SFSWAP: variants seen among roughly 807,000 people sequenced by gnomAD.
SFSWAP encodes the protein splicing factor, suppressor of white-apricot homolog.
A neutral mutation model predicts 100.7 loss-of-function variants in SFSWAP; 17 were observed. The ratio of observed to expected loss-of-function variants is 0.17; its 90% confidence interval spans 0.12 to 0.25. The LOEUF is 0.25. Ranked by LOEUF, SFSWAP falls within the 10% of genes least tolerant of loss-of-function variation. The pLI is 1.00. For missense variants in SFSWAP, 1,005 were observed against 1,262.6 expected, an observed-to-expected ratio of 0.80 and a Z score of 3.09; for synonymous variants, 504 against 510.1, an observed-to-expected ratio of 0.99 and a Z score of 0.16.
intron 11 of SFSWAP, among the ~76,000 whole-genome samples, chr12:131,761,762 C>T (rs192917863): frequency 6.6e-6 from 1 of 152,304 alleles, no homozygotes; most frequent in Admixed American, 6.5e-5. Flanking sequence ...GAAGCAATTC[C>T]TGATTCCCTG....
chr12:131,720,730 G>A (rs756143968), intron 4 of SFSWAP, among the ~76,000 whole-genome samples: 3 of 152,176 alleles, frequency 2.0e-5, no homozygotes, highest in Non-Finnish European at 4.4e-5. Context: ...CTGATGAAGG[G>A]CAATATAAAA....
In SFSWAP at chr12:131,733,667, C is replaced by T. The variant is rs1156643129; in HGVS notation, c.1081+5239C>T. 6.6e-6 allele frequency among the ~76,000 whole-genome samples: 1 copy of T among 151,886 alleles called. No individual in the cohort carries two copies. The highest frequency in any genetic ancestry group is 1.5e-5 in the Non-Finnish European group (1 of 67,932). On this transcript the variant is annotated intron_variant, in intron 7 of 17. Transcript: ENST00000261674. This position sits in a 1 kb window ranked among gnomAD's most constrained non-coding sequence, Gnocchi z 5.1. ...AGGCCTGTCACAGCATCTGTGACAG[C>T]CCGGAAGGAAACAGCAGTCCATACA...
At chr12:131,764,765 C>T (rs958098133) in intron 12 of SFSWAP, 79 bp downstream of exon 12, 4 of 1,006,996 alleles carry the variant, frequency 4.0e-6, no homozygotes, top group Middle Eastern at 2.2e-4. Context: ...CAAAAAATCT[C>T]GAGGCTGCCA....
Position 131,786,543 on chromosome 12 carries a change from G to A in SFSWAP, c.2489G>A (p.Arg830His), listed in dbSNP as rs762281973. 14 of 1,587,226 alleles carry A rather than the reference G, an allele frequency of 8.8e-6. No individual in the cohort carries two copies. Among genetic ancestry groups the A allele is most frequent in the African/African-American group, 2.7e-5 (2 of 74,554 alleles). ...GAGAGGAGTGTGCCCACTGCCTACC[G>A]CGTGAGCCGCAGCCCTGGGGCCAGT... ...REERSVPTAY[R>H]VSRSPGASRK... is the part of the protein sequence containing the mutation. Residue 830 changes from arginine (R) to histidine (H), a missense_variant, in exon 15 of 18, where the codon CGC becomes CAC. Coordinates refer to ENST00000261674, the MANE Select transcript of SFSWAP (RefSeq NM_004592.4).
chr12:131,722,440 G>A (rs1041248191), intron 4 of SFSWAP, among the ~76,000 whole-genome samples: 1 of 152,114 alleles, frequency 6.6e-6, no homozygotes. Flanking sequence ...GCACGTGCCT[G>A]TAGTCCCAGA....
chr12:131,773,503 G>A (rs1269113511), intron 13 of SFSWAP, among the ~76,000 whole-genome samples: 1 of 152,022 alleles, frequency 6.6e-6, no homozygotes, highest in Non-Finnish European at 1.5e-5. Context: ...ACCATGCCCA[G>A]CTAAATTTTT....
chr12:131,769,642 T>C (rs976634455), intron 13 of SFSWAP, among the ~76,000 whole-genome samples: 3 of 152,200 alleles, frequency 2.0e-5, no homozygotes, highest in African/African-American at 7.2e-5. Context: ...TTGTTTGTTT[T>C]TTGAGACAGA....
At chr12:131,784,882 C>A in intron 14 of SFSWAP, 1 of 453,154 alleles carries the variant, frequency 2.2e-6, no homozygotes, top group South Asian at 5.0e-5. Context: ...TATTGTATTT[C>A]AAAGTTAAGA....
intron 13 of SFSWAP, among the ~76,000 whole-genome samples, chr12:131,770,306 G>A (rs1246958815): frequency 6.6e-6 from 1 of 152,344 alleles, no homozygotes; most frequent in East Asian, 1.9e-4. Context: ...GGGTGAGGAA[G>A]CCTGCGTGGC....
intron 7 of SFSWAP, among the ~76,000 whole-genome samples, chr12:131,750,519 T>C (rs1166980756): frequency 6.6e-6 from 1 of 152,114 alleles, no homozygotes; most frequent in African/African-American, 2.4e-5. Flanking sequence ...TTCACAGCTC[T>C]CCTCTGTGAG....
At chr12:131,788,157 CCTTTG>C (rs1055497779) in intron 15 of SFSWAP, among the ~76,000 whole-genome samples, 3 of 152,216 alleles carry the variant, frequency 2.0e-5, no homozygotes, top group Admixed American at 2.0e-4. Flanking sequence ...TTCACATTAA[CCTTTG>C]CTTTAAGAGA....
At chr12:131,736,543 C>T (rs1423999009) in intron 7 of SFSWAP, among the ~76,000 whole-genome samples, 3 of 152,128 alleles carry the variant, frequency 2.0e-5, no homozygotes, top group African/African-American at 7.2e-5. Flanking sequence ...TTTAAAGACT[C>T]ACCCTCACTG....
chr12:131,788,324 C>A (rs1885032328), intron 15 of SFSWAP, among the ~76,000 whole-genome samples: 1 of 152,190 alleles, frequency 6.6e-6, no homozygotes, highest in Non-Finnish European at 1.5e-5. Context: ...AGACTCAGTG[C>A]AGTGCTGAGC....
chr12:131,714,620 T>G lies in SFSWAP; in HGVS notation c.389-202T>G, dbSNP rs1877708678. ...GAAATTTTCCACAAAAGACGTGTATTCAGCTGTCTGTGGGTAAACATGTAC... is the reference window on the plus strand; with the variant it reads ...GAAATTTTCCACAAAAGACGTGTATGCAGCTGTCTGTGGGTAAACATGTAC... On this transcript the variant is annotated intron_variant, in intron 2 of 17. Transcript: ENST00000261674. This position sits in a 1 kb window ranked among gnomAD's most constrained non-coding sequence, Gnocchi z 6.0. The G allele has an allele frequency of 1.7e-6, 1 of 573,492 alleles. No homozygotes were observed. Among genetic ancestry groups the G allele is most frequent in the Admixed American group, 3.1e-5 (1 of 32,502 alleles). The allele number at this position is 573,492 out of a possible 1,614,324, so 35.5% of individuals were successfully genotyped here.
intron 15 of SFSWAP, among the ~76,000 whole-genome samples, chr12:131,791,684 G>A (rs937727473): frequency 1.3e-5 from 2 of 152,220 alleles, no homozygotes; most frequent in African/African-American, 2.4e-5. Context: ...CTCGGGAGGC[G>A]GAGGTTGCAG....
intron 9 of SFSWAP, 26 bp downstream of exon 9, chr12:131,754,525 G>C (rs1449389209): frequency 6.9e-7 from 1 of 1,458,536 alleles, no homozygotes; most frequent in Non-Finnish European, 9.1e-7. Flanking sequence ...TTATATGTTA[G>C]GTATATGGCA....
chr12:131,781,236 T>TATTA lies in SFSWAP; in HGVS notation c.2408+2906_2408+2907insATTA, dbSNP rs35624931. On this transcript the variant is annotated intron_variant, in intron 14 of 17. Transcript: ENST00000261674. The stretch of plus-strand genomic sequence containing the variant: ...CACATATGCAAATATATCTTATTAT[T>TATTA]TTTTTTTTTTTTTTTTTTTTTGAGA... Among the ~76,000 whole-genome samples, 815 of 111,392 alleles carry TATTA rather than the reference T, an allele frequency of 7.3e-3. 10 individuals carry two copies. The highest frequency in any genetic ancestry group is 0.027 in the African/African-American group (736 of 27,534). The allele number at this position is 111,392 out of a possible 152,430, so 73.1% of individuals were successfully genotyped here.
In SFSWAP at chr12:131,778,384, A is replaced by G; in HGVS notation, c.2408+54A>G. 6.3e-7 allele frequency: 1 copy of G among 1,580,498 alleles called. No individual in the cohort carries two copies. The highest frequency in any genetic ancestry group is 8.6e-7 in the Non-Finnish European group (1 of 1,164,482). ...TACCCTCATGACCCCCATGTCCTTC[A>G]CAGGACACCCAGTAGAGCTAGGTAG... On this transcript the variant is annotated intron_variant, in intron 14 of 17. Coordinates refer to ENST00000261674, the MANE Select transcript of SFSWAP (RefSeq NM_004592.4). The surrounding 1 kb of genome is among the most constrained non-coding windows in gnomAD (Gnocchi z 4.2).
At chr12:131,768,238 G>A (rs553986620) in intron 13 of SFSWAP, among the ~76,000 whole-genome samples, 5 of 152,308 alleles carry the variant, frequency 3.3e-5, no homozygotes, top group South Asian at 2.1e-4. Context: ...CCGCAGCCAC[G>A]TTGCTCCAAG....
Sources: allele counts gnomAD v4.1 joint callset (sites outside exome capture counted in the v4.1 genomes callset), GRCh38; gene constraint gnomAD v4.1.1; non-coding constraint Gnocchi (gnomAD v3.1); transcripts MANE v1.5; gene names NCBI Gene and HGNC (gene_info 2026-07-23, HGNC 2026-07-21).